The following LRBA variants were observed in gnomAD, a reference collection of about 807,000 sequenced individuals.
LRBA encodes the protein LPS responsive beige-like anchor protein.
Under a neutral mutation model 330.0 loss-of-function variants are expected in LRBA, and 176 were observed. That is an observed-to-expected ratio of 0.53 (90% CI 0.47 to 0.60). The LOEUF (loss-of-function observed/expected upper bound fraction) is 0.60. Among genes scored for constraint, LRBA ranks in the 20% least tolerant of loss-of-function variants. The pLI is 0.00. For synonymous variants in LRBA, 1,230 were observed against 1,193.0 expected (o/e 1.03, Z -0.64); for missense variants, 3,259 against 3,444.8 (o/e 0.95, Z 1.35).
chr4:150,931,007 G>A (rs1485102202), intron 2 of LRBA, among the ~76,000 whole-genome samples: 2 of 152,142 alleles, frequency 1.3e-5, no homozygotes, highest in African/African-American at 4.8e-5. Context: ...TGAACTGGTT[G>A]AATTAGATTA....
intron 53 of LRBA, among the ~76,000 whole-genome samples, chr4:150,289,708 G>T (rs1218809866): frequency 1.3e-5 from 2 of 152,068 alleles, no homozygotes; most frequent in African/African-American, 4.8e-5. Context: ...ATTATCTGCT[G>T]TACAGATTGA....
chr4:150,648,558 C>T (rs75537628), intron 37 of LRBA, among the ~76,000 whole-genome samples: 2 of 151,820 alleles, frequency 1.3e-5, no homozygotes, highest in Non-Finnish European at 2.9e-5. Flanking sequence ...CATGCCCCCC[C>T]ACCCCACATT....
intron 28 of LRBA, among the ~76,000 whole-genome samples, chr4:150,838,902 A>C (rs2126862971): frequency 6.6e-6 from 1 of 152,184 alleles, no homozygotes; most frequent in Admixed American, 6.6e-5. Context: ...GGATCTATTT[A>C]AACTGAAGAG....
intron 2 of LRBA, among the ~76,000 whole-genome samples, chr4:150,948,921 AAAT>A (rs1158425739): frequency 1.3e-5 from 2 of 151,996 alleles, no homozygotes; most frequent in Non-Finnish European, 2.9e-5. Context: ...ACAACTAAAA[AAAT>A]AATGACAACA....
chr4:150,378,604 A>G (rs7356294), intron 47 of LRBA, among the ~76,000 whole-genome samples: 132,542 of 152,182 alleles, frequency 0.87, 58,592 homozygotes, highest in Non-Finnish European at 0.96. Flanking sequence ...CATATGCATC[A>G]GAGACGGAAT....
intron 37 of LRBA, among the ~76,000 whole-genome samples, chr4:150,637,725 C>G (rs1778062933): frequency 6.6e-6 from 1 of 152,122 alleles, no homozygotes; most frequent in Non-Finnish European, 1.5e-5. Context: ...GTGGATACTT[C>G]CCAGTTGAGC....
intron 37 of LRBA, among the ~76,000 whole-genome samples, chr4:150,660,670 G>A (rs1362585645): frequency 5.8e-5 from 8 of 138,022 alleles, no homozygotes; most frequent in South Asian, 5.2e-4. Context: ...GATGGTTGCC[G>A]TGTCTGTGTA....
At chr4:150,350,984 G>C (rs529518194) in intron 47 of LRBA, among the ~76,000 whole-genome samples, 1 of 152,044 alleles carries the variant, frequency 6.6e-6, no homozygotes, top group Non-Finnish European at 1.5e-5. Flanking sequence ...GATTTTGTGG[G>C]GGATACCTAT....
At chr4:150,995,225 G>A (rs1306700815) in intron 2 of LRBA, among the ~76,000 whole-genome samples, 1 of 151,974 alleles carries the variant, frequency 6.6e-6, no homozygotes, top group Non-Finnish European at 1.5e-5. Flanking sequence ...GGTTGGAAGA[G>A]ACTAGAGCAT....
At chr4:150,893,206 T>A in intron 16 of LRBA, 57 bp from the exon 17 acceptor site, 1 of 836,982 alleles carries the variant, frequency 1.2e-6, no homozygotes, top group Non-Finnish European at 2.0e-6. Context: ...CTTAGTTGAA[T>A]AATGAATACT....
chr4:150,510,858 C>T (rs28482155), intron 40 of LRBA, among the ~76,000 whole-genome samples: 69,418 of 151,644 alleles, frequency 0.46, 16,167 homozygotes, highest in Non-Finnish European at 0.51. Flanking sequence ...TATTTATTTA[C>T]TTTTCATTAT....
intron 18 of LRBA, 36 bp from the exon 19 acceptor site, chr4:150,871,489 G>C: frequency 8.1e-7 from 1 of 1,234,444 alleles, no homozygotes; most frequent in Non-Finnish European, 1.2e-6. Context: ...CAAATGTAGA[G>C]CTTTTCTGTG....
At chr4:150,748,369 T>C (rs1343125424) in intron 35 of LRBA, among the ~76,000 whole-genome samples, 1 of 151,990 alleles carries the variant, frequency 6.6e-6, no homozygotes, top group African/African-American at 2.4e-5. Context: ...GATATCAACA[T>C]ACAAAAGAAT....
chr4:150,419,558 A>G (rs1748303023), intron 46 of LRBA, among the ~76,000 whole-genome samples: 1 of 151,678 alleles, frequency 6.6e-6, no homozygotes, highest in African/African-American at 2.4e-5. Flanking sequence ...TTTCTTGTAC[A>G]CTTGAGTTGG....
intron 48 of LRBA, among the ~76,000 whole-genome samples, chr4:150,331,400 A>G (rs1733978241): frequency 6.6e-6 from 1 of 152,174 alleles, no homozygotes; most frequent in African/African-American, 2.4e-5. Flanking sequence ...TCCTTCACCT[A>G]GAGAGTTTTG....
intron 47 of LRBA, among the ~76,000 whole-genome samples, chr4:150,368,327 AAAT>A (rs1561075992): frequency 6.6e-6 from 1 of 152,186 alleles, no homozygotes; most frequent in African/African-American, 2.4e-5. Flanking sequence ...AAGGAAAAAA[AAAT>A]ACTATAAAGC....
At chr4:150,688,023 G>T (rs907143619) in intron 36 of LRBA, among the ~76,000 whole-genome samples, 2 of 152,108 alleles carry the variant, frequency 1.3e-5, no homozygotes, top group African/African-American at 4.8e-5. Flanking sequence ...GAACAAAGCT[G>T]GAGGCATCAC....
intron 40 of LRBA, among the ~76,000 whole-genome samples, chr4:150,537,679 A>G (rs1228555669): frequency 1.3e-5 from 2 of 152,084 alleles, no homozygotes; most frequent in East Asian, 3.9e-4. Flanking sequence ...GACCGGGCAC[A>G]GTGGCTTACA....
chr4:150,870,423 A>C (rs1753282562), intron 20 of LRBA, 102 bp downstream of exon 20: 5 of 724,962 alleles, frequency 6.9e-6, no homozygotes, highest in South Asian at 5.9e-5. Flanking sequence ...TGAAACATTC[A>C]TCTAACAATC....
Sources: gnomAD v4.1 joint callset for allele counts (sites outside exome capture counted in the v4.1 genomes callset) on GRCh38, gnomAD v4.1.1 for gene constraint, MANE v1.5 for transcripts, NCBI Gene and HGNC (gene_info 2026-07-23, HGNC 2026-07-21) for gene names.